The following DNAH10 variants were observed in gnomAD, a reference collection of about 807,000 sequenced individuals.
The protein encoded by DNAH10 is axonemal beta dynein heavy chain 10.
Under a neutral mutation model 506.6 loss-of-function variants are expected in DNAH10, and 348 were observed. The observed-to-expected ratio is 0.69, with a 90% CI of 0.63 to 0.75. DNAH10 has a LOEUF of 0.75. Among genes scored for constraint, DNAH10 ranks in the 30% least tolerant of loss-of-function variants. The pLI is 0.00. For synonymous variants in DNAH10, 2,059 were observed against 2,198.6 expected (o/e 0.94, Z 1.78); for missense variants, 5,179 against 5,787.1 (o/e 0.89, Z 3.41).
At position 123,909,736 on chromosome 12, in the gene DNAH10, GC is replaced by G. The variant is rs924366124; in HGVS notation, c.9997+297del. Among the ~76,000 whole-genome samples, 1 of 152,222 alleles carries G rather than the reference GC, an allele frequency of 6.6e-6. No homozygotes were observed. The highest frequency in any genetic ancestry group is 6.5e-5 in the Admixed American group (1 of 15,292). On this transcript the variant is annotated intron_variant, in intron 58 of 78. Coordinates refer to ENST00000673944, the MANE Select transcript of DNAH10 (RefSeq NM_001372106.1). This position sits in a 1 kb window ranked among gnomAD's most constrained non-coding sequence, Gnocchi z 5.4. ...AACAGGATCTTCTCATTGGAACCTA[GC>G]CCAGCCTTGTCTTCTGTGCATCTCA...
rs760064363 is a variant in DNAH10, at chr12:123,931,816, G to A, written c.13097G>A (p.Arg4366Gln). 5.0e-6 allele frequency: 8 copies of A among 1,613,868 alleles called. No individual in the cohort carries two copies. The highest frequency in any genetic ancestry group is 4.0e-5 in the African/African-American group (3 of 74,906). ...GAACGCTTCAACAAGCTTGTGGTCC[G>A]GATGACGAAGTCTCTGGCTGAACTT... ...ELERFNKLVV[R>Q]MTKSLAELQR... Residue 4366 changes from arginine to glutamine, a missense_variant, in exon 75 of 79, where the codon CGG becomes CAG. Arg to Gln is a conservative substitution (Grantham distance 43). This residue lies in a region of DNAH10 where 4,844 missense variants were observed against 5,430.5 expected (regional missense o/e 0.89). Transcript: ENST00000673944.
chr12:123,884,327 A>G, intron 51 of DNAH10, among the ~76,000 whole-genome samples: 1 of 152,230 alleles, frequency 6.6e-6, no homozygotes, highest in East Asian at 1.9e-4. Flanking sequence ...CTGGAATCAG[A>G]TTTAACTCAG....
chr12:123,798,951 A>G (rs1386809715), intron 13 of DNAH10, among the ~76,000 whole-genome samples: 1 of 149,270 alleles, frequency 6.7e-6, no homozygotes, highest in African/African-American at 2.4e-5. Context: ...ACTAAAATAC[A>G]AAAATTAGCT....
intron 73 of DNAH10, 94 bp from the exon 74 acceptor site, chr12:123,931,247 T>C: frequency 1.3e-6 from 2 of 1,534,688 alleles, no homozygotes; most frequent in Non-Finnish European, 1.7e-6. Context: ...CAGTGGAAAT[T>C]AGTCTTGCAT....
At position 123,785,967 on chromosome 12, in the gene DNAH10, T is replaced by C. The variant is rs765543230; in HGVS notation, c.1421+31T>C. On this transcript the variant is annotated intron_variant, in intron 9 of 78. Coordinates refer to ENST00000673944, the MANE Select transcript of DNAH10 (RefSeq NM_001372106.1). The surrounding 1 kb of genome is among the most constrained non-coding windows in gnomAD (Gnocchi z 4.1). ...AAGCCATGGCGTTCATTTTTTTGTT[T>C]TGTTTTGTTTCACTTTTTACTTTTT... is the stretch of plus-strand genomic sequence containing the variant. 4 of 1,592,372 alleles carry C rather than the reference T, an allele frequency of 2.5e-6. No individual in the cohort carries two copies. The Admixed American group carries it at 6.9e-5, about 27-fold the overall frequency.
At chr12:123,765,094 C>T (rs1269840636) in intron 1 of DNAH10, among the ~76,000 whole-genome samples, 1 of 151,800 alleles carries the variant, frequency 6.6e-6, no homozygotes, top group Non-Finnish European at 1.5e-5. Flanking sequence ...CTCTTTCTGC[C>T]CCCCTTCCCC....
At chr12:123,828,744 G>T (rs1219704915) in intron 25 of DNAH10, among the ~76,000 whole-genome samples, 1 of 152,182 alleles carries the variant, frequency 6.6e-6, no homozygotes, top group Non-Finnish European at 1.5e-5. Flanking sequence ...GTGGCTTGTA[G>T]TTAGAAGATA....
Position 123,799,274 on chromosome 12 carries a change from G to A in DNAH10, c.2192G>A (p.Arg731Lys). The change falls in exon 14 of 79, where the codon AGG becomes AAG. Residue 731 changes from arginine (R) to lysine (K), a missense_variant. Arg to Lys is a conservative substitution (Grantham distance 26). This residue lies in a region of DNAH10 where 4,844 missense variants were observed against 5,430.5 expected (regional missense o/e 0.89). Transcript: ENST00000673944. ...AAACAAAAATATTTGGAAGTAGGTA[G>A]GACAATGAAGGAGTATGAAGACAGA... ...EVKQKYLEVG[R>K]TMKEYEDRKY... 1.9e-6 allele frequency: 3 copies of A among 1,613,324 alleles called. No individual in the cohort carries two copies. The highest frequency in any genetic ancestry group is 2.7e-5 in the African/African-American group (2 of 74,984).
At chr12:123,837,110 A>C (rs903909657) in intron 28 of DNAH10, among the ~76,000 whole-genome samples, 14 of 150,896 alleles carry the variant, frequency 9.3e-5, no homozygotes, top group Non-Finnish European at 1.2e-4. Flanking sequence ...CTTGGCCTCC[A>C]AAAGTGCTGG....
At chr12:123,766,237 ATCTC>A (rs985348235) in intron 1 of DNAH10, among the ~76,000 whole-genome samples, 2 of 151,578 alleles carry the variant, frequency 1.3e-5, no homozygotes, top group Admixed American at 6.6e-5. Flanking sequence ...CTGTCTGTCT[ATCTC>A]TGTCTGTCTA....
intron 17 of DNAH10, 64 bp downstream of exon 17, chr12:123,803,889 CAT>C: frequency 1.4e-6 from 2 of 1,438,754 alleles, no homozygotes; most frequent in Non-Finnish European, 1.9e-6. Flanking sequence ...TATATACATA[CAT>C]GTGTATATAT....
chr12:123,898,415 C>T (rs572378744), intron 55 of DNAH10, among the ~76,000 whole-genome samples: 23 of 152,278 alleles, frequency 1.5e-4, no homozygotes, highest in Admixed American at 7.2e-4. Flanking sequence ...CATGCACTGC[C>T]GGACAGGGCT....
At position 123,838,598 on chromosome 12, in the gene DNAH10, C is replaced by T. The variant is rs771914538; in HGVS notation, c.5045C>T (p.Ala1682Val). Residue 1682 changes from alanine to valine, a missense_variant, in exon 29 of 79, where the codon GCT becomes GTT. By Grantham distance (64) the Ala-to-Val change is moderately conservative. This residue lies in a region of DNAH10 where 4,844 missense variants were observed against 5,430.5 expected (regional missense o/e 0.89). Coordinates refer to ENST00000673944, the MANE Select transcript of DNAH10 (RefSeq NM_001372106.1). ...GACTACTTAGATTCGAAGAGAAATG[C>T]TTTCCCAAGGTTCTTCTTCATTTCT... The part of the protein sequence containing the change: ...LNDYLDSKRN[A>V]FPRFFFISDD... 1 of 1,614,046 alleles carries T rather than the reference C, an allele frequency of 6.2e-7. No homozygotes were observed. The highest frequency in any genetic ancestry group is 8.5e-7 in the Non-Finnish European group (1 of 1,179,900).
chr12:123,880,826 G>A (rs1470308092), intron 50 of DNAH10, among the ~76,000 whole-genome samples: 1 of 122,104 alleles, frequency 8.2e-6, no homozygotes, highest in Non-Finnish European at 1.6e-5. Context: ...ACAGGCCCTG[G>A]TGTGTGATGT....
rs1437742869 is a variant in DNAH10, at chr12:123,909,248, G to A, written c.9816-13G>A. 6.2e-7 allele frequency: 1 copy of A among 1,611,354 alleles called. No homozygotes were observed. The highest frequency in any genetic ancestry group is 8.5e-7 in the Non-Finnish European group (1 of 1,179,048). On this transcript the variant is annotated splice_polypyrimidine_tract_variant and intron_variant, in intron 57 of 78. Coordinates refer to ENST00000673944, the MANE Select transcript of DNAH10 (RefSeq NM_001372106.1). The surrounding 1 kb of genome is among the most constrained non-coding windows in gnomAD (Gnocchi z 5.4). ...CCCGGGGTTGTGACCCACGTGCCTT[G>A]GTTTCTTGCCAGGTCGTTTGCTAAG...
At chr12:123,792,798 A>C (rs1456829193) in intron 11 of DNAH10, among the ~76,000 whole-genome samples, 1 of 152,118 alleles carries the variant, frequency 6.6e-6, no homozygotes, top group African/African-American at 2.4e-5. Flanking sequence ...AAAGCAGTCT[A>C]GGACCCTAGG....
rs984366841 is a variant in DNAH10 at position 123,919,854 on chromosome 12, C to T, written c.11506+905C>T. ...GGACAGACCGCACTGTGTTTATCCA[C>T]CCGTCACCTGATGGGCATTTGGGTT... On this transcript the variant is annotated intron_variant, in intron 65 of 78. Transcript: ENST00000673944. This position sits in a 1 kb window ranked among gnomAD's most constrained non-coding sequence, Gnocchi z 4.9. Among the ~76,000 whole-genome samples, 3 of 152,212 alleles carry T rather than the reference C, an allele frequency of 2.0e-5. No homozygotes were observed. The highest frequency in any genetic ancestry group is 6.5e-5 in the Admixed American group (1 of 15,288).
At position 123,913,039 on chromosome 12, in the gene DNAH10, G is replaced by C; in HGVS notation, c.10135-59G>C. The C allele has an allele frequency of 6.6e-7, 1 of 1,507,728 alleles. No homozygotes were observed. Among genetic ancestry groups the C allele is most frequent in the Non-Finnish European group, 9.0e-7 (1 of 1,112,066 alleles). 93.4% of individuals were successfully genotyped at this position (1,507,728 alleles called of 1,614,324 possible). A position where few individuals can be genotyped will look rare whatever the true frequency, so the allele number is the denominator to read the frequency against. ...GACATGTGGCCTGGTTTGAGGCCAT[G>C]GGATCGCGGCCCCACCACGGTCCTT... On this transcript the variant is annotated intron_variant, in intron 59 of 78. Coordinates refer to ENST00000673944, the MANE Select transcript of DNAH10 (RefSeq NM_001372106.1). The surrounding 1 kb of genome is among the most constrained non-coding windows in gnomAD (Gnocchi z 5.1).
At chr12:123,933,108 G>C (rs1955295775) in intron 76 of DNAH10, among the ~76,000 whole-genome samples, 2 of 152,224 alleles carry the variant, frequency 1.3e-5, no homozygotes, top group African/African-American at 4.8e-5. Context: ...ATGTGGCCCA[G>C]TACTTTTGTG....
Sources: gnomAD v4.1 joint callset for allele counts (sites outside exome capture counted in the v4.1 genomes callset) on GRCh38, gnomAD v4.1.1 for gene constraint, gnomAD v4.1.1 regional missense constraint, Gnocchi (gnomAD v3.1) non-coding constraint, MANE v1.5 for transcripts, NCBI Gene and HGNC (gene_info 2026-07-23, HGNC 2026-07-21) for gene names.